SLC22A25: variants seen among roughly 807,000 people sequenced by gnomAD.
The protein encoded by SLC22A25 is MGI:2442751, MGI:2385316, MGI:3042283, MGI:3645714, MGI:3605624, MGI:2442750.
A neutral mutation model predicts 45.9 loss-of-function variants in SLC22A25; 44 were observed. The ratio of observed to expected loss-of-function variants is 0.96; its 90% CI spans 0.75 to 1.23. The LOEUF is 1.23. SLC22A25 is among the 50% of genes most tolerant of loss of function. SLC22A25 has a pLI of 0.00. For synonymous variants in SLC22A25, 283 were observed against 238.6 expected, an observed-to-expected ratio of 1.19 and a Z score of -1.72; for missense variants, 800 against 666.4, an observed-to-expected ratio of 1.20 and a Z score of -2.21.
chr11:63,172,653 CTTTT>C (rs141999401), intron 9 of SLC22A25, among the ~76,000 whole-genome samples: 93 of 140,510 alleles, frequency 6.6e-4, no homozygotes, highest in Admixed American at 1.1e-3. Flanking sequence ...CACAGGATAC[CTTTT>C]TTTTTTTTTT....
intron 9 of SLC22A25, among the ~76,000 whole-genome samples, chr11:63,170,315 A>G (rs1303807606): frequency 6.8e-6 from 1 of 146,718 alleles, no homozygotes. Flanking sequence ...AATAACTAAG[A>G]TGAGAGCAGA....
Position 63,161,923 on chromosome 11 carries a change from C to G in SLC22A25, c.*1901G>C, listed in dbSNP as rs1317002358. 6.6e-6 allele frequency among the ~76,000 whole-genome samples: 1 copy of G among 152,196 alleles called. No individual in the cohort carries two copies. The highest frequency in any genetic ancestry group is 1.5e-5 in the Non-Finnish European group (1 of 68,040). On this transcript the variant is annotated 3_prime_UTR_variant, in exon 12 of 12. Transcript: ENST00000306494. ...GGGTTCCCTTTTCTCCACATTCTCA[C>G]CAGCATTTGTTCTTGCCTGTCTTTT...
chr11:63,209,171 C>A (rs1314530761), intron 7 of SLC22A25, among the ~76,000 whole-genome samples: 2 of 152,096 alleles, frequency 1.3e-5, no homozygotes, highest in Non-Finnish European at 2.9e-5. Context: ...CCAGGATACC[C>A]AGACCAGTTT....
At chr11:63,180,902 C>A in intron 8 of SLC22A25, 127 bp from the exon 9 acceptor site, 1 of 610,280 alleles carries the variant, frequency 1.6e-6, no homozygotes, top group Non-Finnish European at 2.9e-6. Flanking sequence ...AAATACATGG[C>A]TTAAAAATGC....
intron 5 of SLC22A25, chr11:63,219,913 A>G: frequency 7.8e-7 from 1 of 1,288,626 alleles, no homozygotes; most frequent in East Asian, 5.5e-5. Flanking sequence ...TCATACATTC[A>G]GGGTTTCAGG....
Position 63,201,239 on chromosome 11 carries a change from C to T in SLC22A25, c.830+16075G>A, listed in dbSNP as rs562130825. On this transcript the variant is annotated intron_variant, in intron 7 of 11. Coordinates refer to ENST00000306494, the MANE Select transcript of SLC22A25 (RefSeq NM_199352.6). ...AATGAAGCTGGAGGCATCCATCATGCTACCCAACTTCAAACTTTACTACAG... is the reference window on the plus strand; with the variant it reads ...AATGAAGCTGGAGGCATCCATCATGTTACCCAACTTCAAACTTTACTACAG... Among the ~76,000 whole-genome samples, 5 of 152,260 alleles carry T rather than the reference C, an allele frequency of 3.3e-5. 1 individual carries two copies. The South Asian group carries it at 8.3e-4, about 25-fold the overall frequency.
chr11:63,221,860 T>C (rs1428520628), intron 5 of SLC22A25, among the ~76,000 whole-genome samples: 2 of 152,162 alleles, frequency 1.3e-5, no homozygotes, highest in Admixed American at 6.6e-5. Context: ...ATATCCAGTT[T>C]CCCAGCATTG....
In SLC22A25 at chr11:63,184,773, T is replaced by A. The variant is rs147824640; in HGVS notation, c.831-956A>T. 2.0e-3 allele frequency among the ~76,000 whole-genome samples: 311 copies of A among 152,288 alleles called. 6 individuals are homozygous for A. Among genetic ancestry groups the A allele is most frequent in the African/African-American group, 6.3e-3 (261 of 41,570 alleles). ...TATCTACTCAAATATTTTCCTCTAT[T>A]GGAGAAAACATTTTTGTAATAATTC... On this transcript the variant is annotated intron_variant, in intron 7 of 11. Coordinates refer to ENST00000306494, the MANE Select transcript of SLC22A25 (RefSeq NM_199352.6).
intron 9 of SLC22A25, among the ~76,000 whole-genome samples, chr11:63,169,855 A>G (rs1375832548): frequency 6.6e-6 from 1 of 152,190 alleles, no homozygotes; most frequent in Non-Finnish European, 1.5e-5. Flanking sequence ...AATCAACAGA[A>G]TATACATTCT....
chr11:63,166,578 A>G (rs1197596840), intron 9 of SLC22A25: 3 of 1,044,724 alleles, frequency 2.9e-6, no homozygotes, highest in Non-Finnish European at 3.5e-6. Context: ...AAATCACTGC[A>G]AAAAAATTCA....
Position 63,229,842 on chromosome 11 carries a change from G to T in SLC22A25, c.-190C>A, listed in dbSNP as rs1166592279. Among the ~76,000 whole-genome samples the T allele has an allele frequency of 6.6e-6, 1 of 152,130 alleles. No individual in the cohort carries two copies. Among genetic ancestry groups the T allele is most frequent in the Non-Finnish European group, 1.5e-5 (1 of 68,028 alleles). On this transcript the variant is annotated 5_prime_UTR_variant, in exon 4 of 12. Transcript: ENST00000306494. Reference sequence around the variant, plus strand: ...AGCAATTTCCTCAAGTAGTTTTGGGGTCAGGTAGGTATCTGTTTTCTTTAG... The same window carrying T: ...AGCAATTTCCTCAAGTAGTTTTGGGTTCAGGTAGGTATCTGTTTTCTTTAG...
chr11:63,180,877 T>C (rs2088296317), intron 8 of SLC22A25, 102 bp from the exon 9 acceptor site: 2 of 744,002 alleles, frequency 2.7e-6, no homozygotes, highest in African/African-American at 1.8e-5. Flanking sequence ...ATGACATCCC[T>C]TTCTGTCTAG....
At chr11:63,239,984 T>G (rs955623547) in intron 1 of SLC22A25, among the ~76,000 whole-genome samples, 1 of 152,306 alleles carries the variant, frequency 6.6e-6, no homozygotes, top group South Asian at 2.1e-4. Flanking sequence ...CATTATTATG[T>G]GATTTTGTTG....
chr11:63,216,195 T>C (rs1019628375), intron 7 of SLC22A25, among the ~76,000 whole-genome samples: 8 of 152,146 alleles, frequency 5.3e-5, no homozygotes, highest in African/African-American at 1.9e-4. Flanking sequence ...CTAATCAGAA[T>C]GGCTATTAAT....
chr11:63,166,786 G>C (rs902221649), intron 9 of SLC22A25: 1 of 984,564 alleles, frequency 1.0e-6, no homozygotes. Context: ...ATCTAGATTA[G>C]AATAAGAAAA....
chr11:63,224,493 G>A (rs554733307), intron 5 of SLC22A25, among the ~76,000 whole-genome samples: 19 of 152,078 alleles, frequency 1.2e-4, no homozygotes, highest in African/African-American at 4.6e-4. Flanking sequence ...GTTGTTTTGT[G>A]GTCTTCTCTT....
intron 7 of SLC22A25, among the ~76,000 whole-genome samples, chr11:63,195,122 C>G (rs535886268): frequency 6.6e-6 from 1 of 151,888 alleles, no homozygotes; most frequent in Non-Finnish European, 1.5e-5. Context: ...TAGAGACCTA[C>G]AAAGACACTT....
intron 7 of SLC22A25, among the ~76,000 whole-genome samples, chr11:63,193,524 C>T (rs1307474917): frequency 6.6e-6 from 1 of 152,246 alleles, no homozygotes; most frequent in South Asian, 2.1e-4. Context: ...CAAACAGGGT[C>T]TGGAGTGGAC....
intron 3 of SLC22A25, among the ~76,000 whole-genome samples, chr11:63,234,056 C>G (rs1176982125): frequency 5.3e-5 from 8 of 152,058 alleles, no homozygotes; most frequent in Admixed American, 4.6e-4. Flanking sequence ...TTACTTCCAA[C>G]TATGTGGTCA....
Sources: gnomAD v4.1 joint callset for allele counts (sites outside exome capture counted in the v4.1 genomes callset) on GRCh38, gnomAD v4.1.1 for gene constraint, MANE v1.5 for transcripts, NCBI Gene and HGNC (gene_info 2026-07-23, HGNC 2026-07-21) for gene names.